The following RANBP2 variants were observed in gnomAD, a reference collection of about 807,000 sequenced individuals.
RANBP2 encodes the protein E3 SUMO-protein ligase RanBP2.
Under a neutral mutation model 303.6 loss-of-function variants are expected in RANBP2, and 57 were observed. That is an observed-to-expected ratio of 0.19 (90% CI 0.15 to 0.23). The LOEUF is 0.23. Ranked by LOEUF, RANBP2 falls within the 10% of genes least tolerant of loss-of-function variation. The pLI is 1.00. For synonymous variants in RANBP2, 1,167 were observed against 1,301.5 expected, an observed-to-expected ratio of 0.90 and a Z score of 2.23; for missense variants, 3,138 against 3,780.8, an observed-to-expected ratio of 0.83 and a Z score of 4.46.
At chr2:109,241,056 T>C in the RANBP2 span, among the ~76,000 whole-genome samples, 247 of 152,276 alleles carry the variant, frequency 1.6e-3, 1 homozygote, top group African/African-American at 5.8e-3. Context: ...TTACTAAAAA[T>C]ATATGTTTAA....
the RANBP2 span, chr2:108,791,835 T>C: frequency 2.4e-5 from 37 of 1,536,174 alleles, 1 homozygote; most frequent in South Asian, 4.2e-4. Flanking sequence ...ATCAATTCAG[T>C]AGTAACTTTG....
chr2:109,450,303 G>C, the RANBP2 span, among the ~76,000 whole-genome samples: 1 of 151,592 alleles, frequency 6.6e-6, no homozygotes, highest in Middle Eastern at 3.2e-3. Flanking sequence ...CCAAGATTGT[G>C]CCACTGCACT....
At chr2:109,557,695 AAAG>A in the RANBP2 span, among the ~76,000 whole-genome samples, 1 of 152,230 alleles carries the variant, frequency 6.6e-6, no homozygotes, top group Non-Finnish European at 1.5e-5. Context: ...GGTGGTAAAG[AAAG>A]TCAGATCTGA....
the RANBP2 span, among the ~76,000 whole-genome samples, chr2:109,535,085 G>T: frequency 1.3e-5 from 2 of 152,212 alleles, no homozygotes; most frequent in African/African-American, 4.8e-5. Context: ...AGATGAGGAA[G>T]ATGGAGGCTA....
At chr2:109,219,894 A>G in the RANBP2 span, among the ~76,000 whole-genome samples, 1 of 152,212 alleles carries the variant, frequency 6.6e-6, no homozygotes, top group Admixed American at 6.5e-5. Context: ...CAAAACCCCA[A>G]TGGCGTTTTT....
chr2:108,840,879 T>C, the RANBP2 span, among the ~76,000 whole-genome samples: 1 of 152,106 alleles, frequency 6.6e-6, no homozygotes, highest in African/African-American at 2.4e-5. Context: ...TGGCACAGTC[T>C]CGGCTCATTG....
At chr2:108,800,608 C>CTTTTTTT in the RANBP2 span, among the ~76,000 whole-genome samples, 3 of 33,488 alleles carry the variant, frequency 9.0e-5, no homozygotes, top group Non-Finnish European at 1.4e-4. Flanking sequence ...CTCAGTTTAG[C>CTTTTTTT]TTTTTTTTTT....
At chr2:109,447,147 T>TAAAAAAAAAAAAA in the RANBP2 span, among the ~76,000 whole-genome samples, 1 of 82,692 alleles carries the variant, frequency 1.2e-5, no homozygotes, top group African/African-American at 3.8e-5. Flanking sequence ...CCTGAATATT[T>TAAAAAAAAAAAAA]AAAAAAAAAA....
At chr2:108,880,202 AAC>A in the RANBP2 span, among the ~76,000 whole-genome samples, 794 of 83,536 alleles carry the variant, frequency 9.5e-3, 7 homozygotes, top group African/African-American at 0.028. Context: ...AAAAAAAAAA[AAC>A]AACAACAAAC....
At chr2:108,907,717 G>C in the RANBP2 span, 1 of 917,658 alleles carries the variant, frequency 1.1e-6, no homozygotes, top group Admixed American at 2.0e-5. Context: ...CTGTGAACTT[G>C]TCACTGTCCA....
At chr2:109,686,449 G>A in the RANBP2 span, among the ~76,000 whole-genome samples, 12 of 152,086 alleles carry the variant, frequency 7.9e-5, no homozygotes, top group African/African-American at 2.9e-4. Context: ...CGAGTAGCTG[G>A]GATTACAGGC....
At chr2:109,226,897 G>A in the RANBP2 span, among the ~76,000 whole-genome samples, 3 of 152,296 alleles carry the variant, frequency 2.0e-5, no homozygotes, top group South Asian at 2.1e-4. Flanking sequence ...AAGCAAAGCC[G>A]TGTGGTGGCC....
chr2:109,748,734 G>C, the RANBP2 span, among the ~76,000 whole-genome samples: 2 of 148,536 alleles, frequency 1.3e-5, no homozygotes, highest in Admixed American at 6.8e-5. Flanking sequence ...TTAGCTGGGC[G>C]TGGTGGCATA....
At chr2:108,722,624 C>G (rs1298188652) in intron 1 of RANBP2, among the ~76,000 whole-genome samples, 1 of 131,480 alleles carries the variant, frequency 7.6e-6, no homozygotes, top group Non-Finnish European at 1.5e-5. Flanking sequence ...TTTTTCTACT[C>G]CCTCACATGT....
the RANBP2 span, among the ~76,000 whole-genome samples, chr2:109,656,113 C>A: frequency 6.6e-5 from 10 of 152,136 alleles, no homozygotes; most frequent in Non-Finnish European, 1.2e-4. Context: ...CCTATTCTGC[C>A]CACAGAACAC....
chr2:109,468,789 G>A, the RANBP2 span, among the ~76,000 whole-genome samples: 1 of 147,024 alleles, frequency 6.8e-6, no homozygotes, highest in African/African-American at 2.5e-5. Context: ...GGGAGGTGGA[G>A]TTTGCAGTGA....
chr2:109,726,207 G>A, the RANBP2 span, among the ~76,000 whole-genome samples: 15 of 151,612 alleles, frequency 9.9e-5, no homozygotes, highest in African/African-American at 3.6e-4. Context: ...TCAGAAATTC[G>A]AGACCAGCCC....
In RANBP2 at chr2:108,753,167, A is replaced by C; in HGVS notation, c.1917+8A>C. The C allele has an allele frequency of 6.2e-7, 1 of 1,611,468 alleles. No individual in the cohort carries two copies. Among genetic ancestry groups the C allele is most frequent in the Non-Finnish European group, 8.5e-7 (1 of 1,179,614 alleles). On this transcript the variant is annotated splice_region_variant and intron_variant, in intron 13 of 28. Coordinates refer to ENST00000283195, the MANE Select transcript of RANBP2 (RefSeq NM_006267.5). ...CATAGTGTAGACATTCAGGTAACAG[A>C]GTTCCTTTATGAATTTATTGGAGAT...
At chr2:109,646,293 G>C in the RANBP2 span, among the ~76,000 whole-genome samples, 1 of 151,952 alleles carries the variant, frequency 6.6e-6, no homozygotes, top group Non-Finnish European at 1.5e-5. Context: ...GGGGGCAAGA[G>C]GCAAAAAGTC....
Sources: gnomAD v4.1 joint callset for allele counts (sites outside exome capture counted in the v4.1 genomes callset) on GRCh38, gnomAD v4.1.1 for gene constraint, MANE v1.5 for transcripts, NCBI Gene and HGNC (gene_info 2026-07-23, HGNC 2026-07-21) for gene names.